The following DHX38 variants were observed in gnomAD, a reference collection of about 807,000 sequenced individuals.
The protein encoded by DHX38 is pre-mRNA-splicing factor ATP-dependent RNA helicase PRP16.
Under a neutral mutation model 153.1 loss-of-function variants are expected in DHX38, and 100 were observed. The ratio of observed to expected loss-of-function variants is 0.65; its 90% CI spans 0.56 to 0.77. The LOEUF is 0.77. DHX38 is among the 30% of genes least tolerant of loss of function. The pLI, the probability that DHX38 is intolerant of heterozygous loss-of-function variation, is 0.00. For synonymous variants in DHX38, 650 were observed against 631.7 expected, an observed-to-expected ratio of 1.03 and a Z score of -0.43; for missense variants, 1,440 against 1,654.0, an observed-to-expected ratio of 0.87 and a Z score of 2.24.
At chr16:72,105,822 A>G (rs2042168261) in intron 18 of DHX38, among the ~76,000 whole-genome samples, 183 bp from the exon 19 acceptor site, 1 of 152,128 alleles carries the variant, frequency 6.6e-6, no homozygotes, top group Non-Finnish European at 1.5e-5. Flanking sequence ...AGATAATTTA[A>G]CAGTAGAGCT....
chr16:72,097,320 A>G lies in DHX38; in HGVS notation c.511+311A>G, dbSNP rs2042035166. 1.3e-5 allele frequency: 5 copies of G among 396,164 alleles called. No homozygotes were observed. The South Asian group carries it at 1.5e-4, about 12-fold the overall frequency. 24.5% of individuals were successfully genotyped at this position (396,164 alleles called of 1,614,324 possible). A position where few individuals can be genotyped will look rare whatever the true frequency, so the allele number is the denominator to read the frequency against. On this transcript the variant is annotated intron_variant, in intron 3 of 26. Coordinates refer to ENST00000268482, the MANE Select transcript of DHX38 (RefSeq NM_014003.4). ...ATAGTATTGGTGATAGAGAAAGGAC[A>G]GTGCTATGGAACAAAGCTAGACAAA...
intron 9 of DHX38, 114 bp from the exon 10 acceptor site, chr16:72,100,972 G>A (rs1455508341): frequency 3.8e-6 from 4 of 1,052,292 alleles, no homozygotes; most frequent in Admixed American, 3.9e-5. Flanking sequence ...AGAGAAGGGA[G>A]AAAATAGCCC....
At chr16:72,109,571 C>T (rs2042231426) in intron 25 of DHX38, 61 bp downstream of exon 25, 1 of 1,508,144 alleles carries the variant, frequency 6.6e-7, no homozygotes, top group Non-Finnish European at 9.0e-7. Flanking sequence ...GTTCCCTCCG[C>T]TTGGTATTGA....
rs544416921 is a variant in DHX38, at chr16:72,104,127, G to A, written c.2006G>A (p.Arg669Gln). Reference protein sequence around the residue: ...LNTDVLFGLLREVVARRSDLK... With the variant: ...LNTDVLFGLLQEVVARRSDLK... ...ACTGACGTGCTCTTTGGGCTGCTCC[G>A]GGAGGTGAGGGCTGTGTGGTTTGGT... Residue 669 changes from arginine (R) to glutamine (Q), a missense_variant, in exon 14 of 27, where the codon CGG becomes CAG. By Grantham distance (43) the Arg-to-Gln change is conservative. Coordinates refer to ENST00000268482, the MANE Select transcript of DHX38 (RefSeq NM_014003.4). This position sits in a 1 kb window ranked among gnomAD's most constrained non-coding sequence, Gnocchi z 4.5. 16 of 1,613,750 alleles carry A rather than the reference G, an allele frequency of 9.9e-6. No individual in the cohort carries two copies. The highest frequency in any genetic ancestry group is 2.2e-5 in the East Asian group (1 of 44,860).
In DHX38 at chr16:72,112,543, A is replaced by C. The variant is rs547169389; in HGVS notation, c.*46A>C. On this transcript the variant is annotated 3_prime_UTR_variant, in exon 27 of 27. Coordinates refer to ENST00000268482, the MANE Select transcript of DHX38 (RefSeq NM_014003.4). Reference sequence around the variant, plus strand: ...GGATGGCAGCAGGTATTGGGTCCTCAGCCTTCTGGCGGGAGCCCTGAGGCT... The same window carrying C: ...GGATGGCAGCAGGTATTGGGTCCTCCGCCTTCTGGCGGGAGCCCTGAGGCT... 6.5e-5 allele frequency: 104 copies of C among 1,595,802 alleles called. 3 individuals are homozygous for C. The South Asian group carries it at 7.2e-4, about 11-fold the overall frequency.
intron 25 of DHX38, 64 bp from the exon 26 acceptor site, chr16:72,110,892 C>A: frequency 1.3e-6 from 2 of 1,505,162 alleles, no homozygotes; most frequent in Non-Finnish European, 8.9e-7. Flanking sequence ...GACTTGGGTG[C>A]CGACGAGGCC....
At chr16:72,097,437 G>A in intron 3 of DHX38, 1 of 506,476 alleles carries the variant, frequency 2.0e-6, no homozygotes, top group Non-Finnish European at 3.6e-6. Flanking sequence ...ACTCGCACTA[G>A]TATTTTTTGA....
chr16:72,100,355 G>C, intron 8 of DHX38, 81 bp from the exon 9 acceptor site: 1 of 1,524,688 alleles, frequency 6.6e-7, no homozygotes, highest in Non-Finnish European at 8.9e-7. Context: ...GTCAGGACTT[G>C]ATGTGTGGAC....
chr16:72,095,342 G>A (rs1049871268), intron 1 of DHX38, among the ~76,000 whole-genome samples: 1 of 152,168 alleles, frequency 6.6e-6, no homozygotes, highest in Admixed American at 6.5e-5. Flanking sequence ...ACTGATTTTG[G>A]CTGCTGTGAG....
In DHX38 at chr16:72,104,194, T is replaced by C; in HGVS notation, c.2010+63T>C. On this transcript the variant is annotated intron_variant, in intron 14 of 26. Coordinates refer to ENST00000268482, the MANE Select transcript of DHX38 (RefSeq NM_014003.4). The surrounding 1 kb of genome is among the most constrained non-coding windows in gnomAD (Gnocchi z 4.5). ...TGTTGACCAGTGCACCACCAGTAGCTAGTGGGTTGCTCCAGGTGGGCTGAG... is the reference window on the plus strand; with the variant it reads ...TGTTGACCAGTGCACCACCAGTAGCCAGTGGGTTGCTCCAGGTGGGCTGAG... 1 of 1,574,584 alleles carries C rather than the reference T, an allele frequency of 6.4e-7. No homozygotes were observed. The highest frequency in any genetic ancestry group is 1.1e-5 in the South Asian group (1 of 87,264).
In DHX38 at chr16:72,108,269, G is replaced by C. The variant is rs749679563; in HGVS notation, c.3007G>C (p.Val1003Leu). 6.2e-7 allele frequency: 1 copy of C among 1,614,104 alleles called. No individual in the cohort carries two copies. The highest frequency in any genetic ancestry group is 1.7e-5 in the Admixed American group (1 of 60,014). ...TGATCAAATCCGGGAGAAGTTCGCTGTTCCTGAGAGCGATCATTTGACCTA... is the reference window on the plus strand; with the variant it reads ...TGATCAAATCCGGGAGAAGTTCGCTCTTCCTGAGAGCGATCATTTGACCTA... ...ESDQIREKFA[V>L]PESDHLTYLN... The change falls in exon 22 of 27, where the codon GTT becomes CTT. Residue 1003 changes from valine to leucine, a missense_variant. This residue lies in a region of DHX38 where 543 missense variants were observed against 717.9 expected (regional missense o/e 0.76). Transcript: ENST00000268482.
In DHX38 at chr16:72,101,482, G is replaced by A; in HGVS notation, c.1387-18G>A. 6.5e-7 allele frequency: 1 copy of A among 1,549,760 alleles called. No individual in the cohort carries two copies. The stretch of plus-strand genomic sequence containing the variant: ...GTCATGTGGCAGGATGGAGCAGACT[G>A]ACCTTTTTCCTTTTCAGGCTCAGCA... On this transcript the variant is annotated intron_variant, in intron 10 of 26. Coordinates refer to ENST00000268482, the MANE Select transcript of DHX38 (RefSeq NM_014003.4).
chr16:72,104,375 G>A lies in DHX38; in HGVS notation c.2011-111G>A. The A allele has an allele frequency of 7.0e-7, 1 of 1,437,216 alleles. No individual in the cohort carries two copies. 89.0% of individuals were successfully genotyped at this position (1,437,216 alleles called of 1,614,324 possible). ...TTCATGATTGGTAAGAATTGAATAG[G>A]CCCATTTGTCAGCTTTGGCTTGTGT... On this transcript the variant is annotated intron_variant, in intron 14 of 26. Transcript: ENST00000268482. The surrounding 1 kb of genome is among the most constrained non-coding windows in gnomAD (Gnocchi z 4.5).
Position 72,104,330 on chromosome 16 carries a change from G to A in DHX38, c.2011-156G>A. On this transcript the variant is annotated intron_variant, in intron 14 of 26. Transcript: ENST00000268482. The surrounding 1 kb of genome is among the most constrained non-coding windows in gnomAD (Gnocchi z 4.5). ...AGGGTGGCTTGGGGTTTTCTGGGCA[G>A]TGGCTCCATTGCTTCAGTCTTCATG... 2.4e-6 allele frequency: 3 copies of A among 1,227,278 alleles called. No individual in the cohort carries two copies. The highest frequency in any genetic ancestry group is 3.3e-6 in the Non-Finnish European group (3 of 900,642). The allele number at this position is 1,227,278 out of a possible 1,614,324, so 76.0% of individuals were successfully genotyped here.
rs1173828688 is a variant in DHX38, at chr16:72,096,977, G to A, written c.479G>A (p.Arg160Gln). Residue 160 changes from arginine to glutamine, a missense_variant, in exon 3 of 27, where the codon CGG (arginine) becomes CAG (glutamine). By Grantham distance (43) the Arg-to-Gln change is conservative. Transcript: ENST00000268482. ...EEKDWKKEKSRDRDYDRKRDR... is the reference protein window; with the variant it reads ...EEKDWKKEKSQDRDYDRKRDR... ...AAGGATTGGAAGAAGGAGAAATCGCGGGATCGAGACTATGACCGCAAGAGG... is the reference window on the plus strand; with the variant it reads ...AAGGATTGGAAGAAGGAGAAATCGCAGGATCGAGACTATGACCGCAAGAGG... The A allele has an allele frequency of 2.5e-6, 4 of 1,613,860 alleles. No individual in the cohort carries two copies. The highest frequency in any genetic ancestry group is 2.2e-5 in the East Asian group (1 of 44,896).
Position 72,105,297 on chromosome 16 carries a change from G to A in DHX38, c.2328G>A (p.Leu776=), listed in dbSNP as rs1163717456. 6.2e-7 allele frequency: 1 copy of A among 1,614,184 alleles called. No homozygotes were observed. Among genetic ancestry groups the A allele is most frequent in the Non-Finnish European group, 8.5e-7 (1 of 1,180,036 alleles). The change falls in exon 17 of 27, where the codon CTG becomes CTA. Residue 776 remains leucine (L), a synonymous_variant. Transcript: ENST00000268482. ...ELENAPALAV[L]PIYSQLPSDL... ...AGAACGCGCCTGCCCTGGCTGTGCT[G>A]CCCATCTACTCTCAGCTGCCTTCTG...
chr16:72,103,766 T>TG lies in DHX38; in HGVS notation c.1808dup (p.Asn604LysfsTer13). On this transcript the variant is annotated frameshift_variant, in exon 13 of 27. Coordinates refer to ENST00000268482, the MANE Select transcript of DHX38 (RefSeq NM_014003.4). LOFTEE classifies it high-confidence loss of function. ...GTGGCCAAGAGAGTCAGTGAAGAGA[T>TG]GGGGGGAAACCTTGGCGAGGAGGTG... 6.2e-7 allele frequency: 1 copy of TG among 1,612,378 alleles called. No homozygotes were observed. The highest frequency in any genetic ancestry group is 1.3e-5 in the African/African-American group (1 of 74,942).
chr16:72,110,926 G>C (rs774098970), intron 25 of DHX38, 30 bp from the exon 26 acceptor site: 5 of 1,565,452 alleles, frequency 3.2e-6, no homozygotes, highest in Admixed American at 3.8e-5. Flanking sequence ...GTCCCCAGTA[G>C]GCTCAGCCAG....
intron 21 of DHX38, 82 bp from the exon 22 acceptor site, chr16:72,108,145 G>T: frequency 6.8e-7 from 1 of 1,473,422 alleles, no homozygotes; most frequent in Non-Finnish European, 9.3e-7. Flanking sequence ...GTGGGTAGGT[G>T]GTAGTGTTAG....
Sources: allele counts gnomAD v4.1 joint callset (sites outside exome capture counted in the v4.1 genomes callset), GRCh38; gene constraint gnomAD v4.1.1; regional missense constraint gnomAD v4.1.1; non-coding constraint Gnocchi (gnomAD v3.1); transcripts MANE v1.5; gene names NCBI Gene and HGNC (gene_info 2026-07-23, HGNC 2026-07-21).